Variants in DNAJC9 observed in about 807,000 individuals in gnomAD.
DNAJC9 encodes dnaJ homolog subfamily C member 9.
DNAJC9 carries 18 observed loss-of-function variants against 32.4 expected under a neutral mutation model. The ratio of observed to expected loss-of-function variants is 0.56; its 90% CI spans 0.38 to 0.82. The LOEUF (loss-of-function observed/expected upper bound fraction) is 0.82, where lower values mean the gene tolerates loss of function less well. Ranked by LOEUF, DNAJC9 falls within the 40% of genes least tolerant of loss-of-function variation. DNAJC9 has a pLI of 0.00. For missense variants in DNAJC9, 310 were observed against 321.8 expected, an observed-to-expected ratio of 0.96 and a Z score of 0.28; for synonymous variants, 113 against 122.1, an observed-to-expected ratio of 0.93 and a Z score of 0.49.
intron 1 of DNAJC9, 46 bp downstream of exon 1, chr10:73,246,964 G>A: frequency 1.9e-6 from 3 of 1,554,576 alleles, no homozygotes; most frequent in South Asian, 2.4e-5. Flanking sequence ...AAAGGCTAGG[G>A]GGAGGCCCGC....
rs1330645945 is a variant in DNAJC9 at position 73,247,254 on chromosome 10, C to T, written c.-65G>A. On this transcript the variant is annotated 5_prime_UTR_variant, in exon 1 of 5. Transcript: ENST00000372950. The stretch of plus-strand genomic sequence containing the variant: ...CAGCTGCGCCGGGTACAACCCAGGA[C>T]TGCTTCTTTTTCGCGCCCAAAAAGC... 6 of 1,542,054 alleles carry T rather than the reference C, an allele frequency of 3.9e-6. No individual in the cohort carries two copies. The highest frequency in any genetic ancestry group is 4.4e-6 in the Non-Finnish European group (5 of 1,142,064).
At chr10:73,234,853 G>C (rs374684689), downstream of DNAJC9, 315 of 1,551,642 alleles carry the variant, frequency 2.0e-4, no homozygotes, top group Non-Finnish European at 2.7e-4. Context: ...CTCCCTCACC[G>C]ACGCCCCTGA....
At chr10:73,239,419 T>C, downstream of DNAJC9, 1 of 1,497,354 alleles carries the variant, frequency 6.7e-7, no homozygotes, top group Non-Finnish European at 9.1e-7. Context: ...TTTACTACTG[T>C]GTGGTTGTGT....
chr10:73,239,208 G>A, downstream of DNAJC9: 1 of 930,264 alleles, frequency 1.1e-6, no homozygotes, highest in Non-Finnish European at 1.7e-6. Flanking sequence ...GGTAGTCTAT[G>A]CCTTTTACCA....
At position 73,247,197 on chromosome 10, in the gene DNAJC9, G is replaced by A. The variant is rs753784016; in HGVS notation, c.-8C>T. On this transcript the variant is annotated 5_prime_UTR_variant, in exon 1 of 5. Transcript: ENST00000372950. ...AAGGTCCAGCAGCCCCATGCCGGGC[G>A]GAGATACGACCCCGGAGGAAGCAGC... 2 of 1,586,376 alleles carry A rather than the reference G, an allele frequency of 1.3e-6. No individual in the cohort carries two copies. Among genetic ancestry groups the A allele is most frequent in the Non-Finnish European group, 1.7e-6 (2 of 1,167,560 alleles).
At chr10:73,245,041 C>T (rs2043991111) in intron 3 of DNAJC9, among the ~76,000 whole-genome samples, 1 of 152,124 alleles carries the variant, frequency 6.6e-6, no homozygotes, top group South Asian at 2.1e-4. Flanking sequence ...AAATGATGAA[C>T]GACTTAAGAT....
chr10:73,245,865 T>A lies in DNAJC9; in HGVS notation c.576+57A>T, dbSNP rs1238077746. On this transcript the variant is annotated intron_variant, in intron 3 of 4. Transcript: ENST00000372950. ...TGTTTACTTCTACTGCTGTAAATAC[T>A]CTCAAATCCTTTTTGGAAGCAGTCA... 38 of 1,589,206 alleles carry A rather than the reference T, an allele frequency of 2.4e-5. No homozygotes were observed. The South Asian group carries it at 3.0e-4, about 12-fold the overall frequency.
At chr10:73,233,112 C>T (rs1343687046) in intron 2 of DNAJC9, 1 of 1,551,778 alleles carries the variant, frequency 6.4e-7, no homozygotes, top group Admixed American at 2.0e-5. Flanking sequence ...ACGAGCCATT[C>T]ATGTGCTGAA....
At chr10:73,234,619 C>A, downstream of DNAJC9, 1 of 595,776 alleles carries the variant, frequency 1.7e-6, no homozygotes, top group Non-Finnish European at 2.9e-6. Context: ...TATAGAGCTT[C>A]AAAACAAAAT....
rs778100926 is a variant in DNAJC9, at chr10:73,247,218, G to A, written c.-29C>T. 1.9e-6 allele frequency: 3 copies of A among 1,574,006 alleles called. No individual in the cohort carries two copies. The African/African-American group carries it at 4.1e-5, about 21-fold the overall frequency. On this transcript the variant is annotated 5_prime_UTR_variant, in exon 1 of 5. Transcript: ENST00000372950. Reference sequence around the variant, plus strand: ...GGGCGGAGATACGACCCCGGAGGAAGCAGCCGCTCCCAGCTGCGCCGGGTA... The same window carrying A: ...GGGCGGAGATACGACCCCGGAGGAAACAGCCGCTCCCAGCTGCGCCGGGTA...
At chr10:73,239,196 T>C, downstream of DNAJC9, 1 of 797,054 alleles carries the variant, frequency 1.3e-6, no homozygotes, top group Non-Finnish European at 2.0e-6. Context: ...TTCCCTCAAG[T>C]TGGTAGTCTA....
Position 73,243,900 on chromosome 10 carries a change from C to T in DNAJC9, c.606G>A (p.Met202Ile). Residue 202 changes from methionine (M) to isoleucine (I), a missense_variant, in exon 4 of 5, where the codon ATG becomes ATA. Physicochemically the swap from Met to Ile is conservative, Grantham distance 10 (BLOSUM62 1). Transcript: ENST00000372950. Reference protein sequence around the residue: ...RAQEEAKEAEMSRKELGLDEG... With the variant: ...RAQEEAKEAEISRKELGLDEG... ...CATCAAGCCCCAACTCCTTTCTGCTCATTTCTGCTTCTTTGGCCTCTTCCT... is the reference window on the plus strand; with the variant it reads ...CATCAAGCCCCAACTCCTTTCTGCTTATTTCTGCTTCTTTGGCCTCTTCCT... 1.2e-6 allele frequency: 2 copies of T among 1,614,136 alleles called. No individual in the cohort carries two copies. Among genetic ancestry groups the T allele is most frequent in the Non-Finnish European group, 1.7e-6 (2 of 1,180,022 alleles).
At chr10:73,239,348 T>C, downstream of DNAJC9, 1 of 1,551,702 alleles carries the variant, frequency 6.4e-7, no homozygotes. Context: ...TGCAGTTGAG[T>C]ATCCTCATCA....
chr10:73,240,094 ATT>A (rs2043907664), downstream of DNAJC9, among the ~76,000 whole-genome samples: 2 of 152,232 alleles, frequency 1.3e-5, no homozygotes, highest in Middle Eastern at 3.4e-3. Context: ...CAGGTAATTT[ATT>A]TTTTGTAGAG....
Position 73,246,792 on chromosome 10 carries a change from C to T in DNAJC9, c.217G>A (p.Glu73Lys), listed in dbSNP as rs150649194. The T allele has an allele frequency of 1.4e-5, 23 of 1,614,064 alleles. No individual in the cohort carries two copies. Among genetic ancestry groups the T allele is most frequent in the African/African-American group, 2.7e-5 (2 of 74,938 alleles). ...TGCTCATCGTACACTGCTCTCTGTT[C>T]TCTGTCACTGAGAACGGAATAGACT... ...GKVYSVLSDREQRAVYDEQGT... is the reference protein window; with the variant it reads ...GKVYSVLSDRKQRAVYDEQGT... The change falls in exon 2 of 5, where the codon GAA becomes AAA. Residue 73 changes from glutamate (E) to lysine (K), a missense_variant. By Grantham distance (56) the Glu-to-Lys change is moderately conservative. Coordinates refer to ENST00000372950, the MANE Select transcript of DNAJC9 (RefSeq NM_015190.5).
downstream of DNAJC9, among the ~76,000 whole-genome samples, chr10:73,240,434 T>C (rs192093784): frequency 1.4e-3 from 212 of 152,296 alleles, no homozygotes; most frequent in East Asian, 2.1e-3. Context: ...TATAACTGGC[T>C]GGGCGTGGTG....
downstream of DNAJC9, among the ~76,000 whole-genome samples, chr10:73,237,728 T>C (rs114121491): frequency 6.6e-6 from 1 of 152,010 alleles, no homozygotes; most frequent in African/African-American, 2.4e-5. Flanking sequence ...AGCCAAACAT[T>C]TCATTTTTTT....
chr10:73,237,952 CTCTT>C (rs758819193), downstream of DNAJC9, among the ~76,000 whole-genome samples: 11 of 152,018 alleles, frequency 7.2e-5, no homozygotes, highest in Admixed American at 3.9e-4. Flanking sequence ...TTTCAGTCTT[CTCTT>C]TAAGTTTATT....
downstream of DNAJC9, chr10:73,235,111 C>A: frequency 6.8e-7 from 1 of 1,480,944 alleles, no homozygotes; most frequent in South Asian, 1.3e-5. Context: ...CTTACCATAT[C>A]TGCCATGGTC....
Sources: gnomAD v4.1 joint callset for allele counts (sites outside exome capture counted in the v4.1 genomes callset) on GRCh38, gnomAD v4.1.1 for gene constraint, MANE v1.5 for transcripts, NCBI Gene and HGNC (gene_info 2026-07-23, HGNC 2026-07-21) for gene names.